The following ITGBL1 variants were observed in gnomAD, a reference collection of about 807,000 sequenced individuals.
The protein encoded by ITGBL1 is integrin subunit beta like 1.
A neutral mutation model predicts 68.5 loss-of-function variants in ITGBL1; 51 were observed. The ratio of observed to expected loss-of-function variants is 0.74; its 90% CI spans 0.59 to 0.94. The LOEUF (loss-of-function observed/expected upper bound fraction) is 0.94, where lower values mean the gene tolerates loss of function less well. Among genes scored for constraint, ITGBL1 ranks in the 40% least tolerant of loss-of-function variants. The pLI, the probability that ITGBL1 is intolerant of heterozygous loss-of-function variation, is 0.00. For synonymous variants in ITGBL1, 209 were observed against 227.3 expected, an observed-to-expected ratio of 0.92 and a Z score of 0.72; for missense variants, 649 against 647.4, an observed-to-expected ratio of 1.00 and a Z score of -0.03.
downstream of ITGBL1, chr13:101,720,079 A>G (rs977699171): frequency 6.6e-6 from 1 of 152,112 alleles, no homozygotes; most frequent in Non-Finnish European, 1.5e-5. Context: ...ATTTTATTCA[A>G]TATGTTGTAT....
At chr13:101,586,913 C>T (rs1049881824) in intron 6 of ITGBL1, among the ~76,000 whole-genome samples, 3 of 152,078 alleles carry the variant, frequency 2.0e-5, no homozygotes, top group Non-Finnish European at 4.4e-5. Flanking sequence ...AAGAAGAGTG[C>T]CATATAGTTG....
intron 7 of ITGBL1, among the ~76,000 whole-genome samples, chr13:101,648,341 T>C (rs1398980757): frequency 6.6e-6 from 1 of 152,184 alleles, no homozygotes; most frequent in East Asian, 1.9e-4. Flanking sequence ...TCAAAAGATA[T>C]TTAGAATCAG....
intron 6 of ITGBL1, among the ~76,000 whole-genome samples, chr13:101,597,742 C>G (rs117848309): frequency 6.6e-6 from 1 of 151,626 alleles, no homozygotes. Context: ...TAGTAGAGAC[C>G]GGGGTTTCAC....
chr13:101,528,268 T>C (rs1343512406), intron 2 of ITGBL1, among the ~76,000 whole-genome samples: 1 of 150,658 alleles, frequency 6.6e-6, no homozygotes, highest in African/African-American at 2.5e-5. Context: ...CATAGAGCTA[T>C]TTATAATATT....
At chr13:101,526,170 A>C in intron 2 of ITGBL1, among the ~76,000 whole-genome samples, 1 of 66,782 alleles carries the variant, frequency 1.5e-5, no homozygotes, top group East Asian at 4.0e-4. Context: ...TTTTTTTTTT[A>C]AATACTTTAA....
intron 2 of ITGBL1, among the ~76,000 whole-genome samples, chr13:101,552,891 T>C (rs1684989545): frequency 6.6e-6 from 1 of 152,202 alleles, no homozygotes; most frequent in African/African-American, 2.4e-5. Context: ...CACAAATTTA[T>C]TTGAAGGAGC....
At chr13:101,558,043 C>A (rs976074141) in intron 2 of ITGBL1, among the ~76,000 whole-genome samples, 3 of 130,686 alleles carry the variant, frequency 2.3e-5, no homozygotes, top group African/African-American at 9.0e-5. Flanking sequence ...GAGCCGAGAT[C>A]GCGCCACTCC....
intron 7 of ITGBL1, among the ~76,000 whole-genome samples, chr13:101,664,396 A>G (rs1333563772): frequency 1.3e-5 from 2 of 152,204 alleles, no homozygotes; most frequent in Middle Eastern, 3.2e-3. Flanking sequence ...AATTATTTAC[A>G]GGTATCCTGA....
At chr13:101,705,319 CAA>C (rs1329378993) in intron 8 of ITGBL1, among the ~76,000 whole-genome samples, 19 of 132,756 alleles carry the variant, frequency 1.4e-4, no homozygotes, top group African/African-American at 5.3e-4. Flanking sequence ...ACAACAACAA[CAA>C]AAAAAAATAG....
intron 7 of ITGBL1, among the ~76,000 whole-genome samples, chr13:101,653,420 T>G (rs935762971): frequency 6.6e-6 from 1 of 152,110 alleles, no homozygotes; most frequent in African/African-American, 2.4e-5. Flanking sequence ...TCTGGGATCA[T>G]GAAGAGTTCA....
intron 2 of ITGBL1, among the ~76,000 whole-genome samples, chr13:101,464,687 A>G (rs754920306): frequency 6.6e-6 from 1 of 152,176 alleles, no homozygotes; most frequent in Non-Finnish European, 1.5e-5. Context: ...ATATTTATAT[A>G]TGTATACATA....
intron 2 of ITGBL1, among the ~76,000 whole-genome samples, chr13:101,472,175 C>T (rs959079430): frequency 1.3e-5 from 2 of 152,082 alleles, no homozygotes; most frequent in Non-Finnish European, 2.9e-5. Context: ...TCCTTAATTT[C>T]CTAAATATAG....
At chr13:101,454,399 T>TTCCCC (rs2048210934) in intron 2 of ITGBL1, among the ~76,000 whole-genome samples, 9 of 135,806 alleles carry the variant, frequency 6.6e-5, no homozygotes, top group Non-Finnish European at 9.9e-5. Flanking sequence ...CCCTGGCTGG[T>TTCCCC]CCCCCCCCCC....
At chr13:101,491,154 CTCTG>C (rs2048770243) in intron 2 of ITGBL1, among the ~76,000 whole-genome samples, 1 of 152,150 alleles carries the variant, frequency 6.6e-6, no homozygotes, top group Admixed American at 6.6e-5. Flanking sequence ...CTTAATGAAA[CTCTG>C]TCTGCTTCTC....
At position 101,715,641 on chromosome 13, in the gene ITGBL1, C is replaced by T. The variant is rs1277205714; in HGVS notation, c.1472C>T (p.Ser491Leu). The T allele has an allele frequency of 3.7e-6, 6 of 1,609,234 alleles. No homozygotes were observed. In the East Asian group the frequency reaches 1.1e-4, roughly 30 times the overall value. The change falls in exon 11 of 11, where the codon TCA (serine) becomes TTA (leucine). Residue 491 changes from serine to leucine, a missense_variant. Transcript: ENST00000376180. ...AATGCATGTGAAATCTGGCTTGGCTCAGAATATCCTTAACAATTACATGAG... is the reference window on the plus strand; with the variant it reads ...AATGCATGTGAAATCTGGCTTGGCTTAGAATATCCTTAACAATTACATGAG... ...NGNACEIWLGSEYP is the reference protein window; with the variant it reads ...NGNACEIWLGLEYP
At chr13:101,602,084 A>G (rs556614531) in intron 7 of ITGBL1, among the ~76,000 whole-genome samples, 1 of 152,180 alleles carries the variant, frequency 6.6e-6, no homozygotes, top group South Asian at 2.1e-4. Flanking sequence ...GCCTTAAGGT[A>G]TGTTCAATTT....
chr13:101,562,411 A>G (rs1021511974), intron 2 of ITGBL1, among the ~76,000 whole-genome samples: 5 of 152,000 alleles, frequency 3.3e-5, no homozygotes, highest in Non-Finnish European at 7.4e-5. Context: ...CAGATTGTAT[A>G]AAAACTGAGA....
chr13:101,636,446 G>A (rs985808664), intron 7 of ITGBL1, among the ~76,000 whole-genome samples: 12 of 152,050 alleles, frequency 7.9e-5, no homozygotes, highest in Admixed American at 2.0e-4. Context: ...GGAGGAATTG[G>A]CACTCTGGAT....
chr13:101,707,049 A>T, intron 9 of ITGBL1, 147 bp downstream of exon 9: 2 of 750,992 alleles, frequency 2.7e-6, no homozygotes, highest in African/African-American at 1.7e-5. Context: ...AAGCTTGAAG[A>T]TTAACCAAAT....
Sources: allele counts gnomAD v4.1 joint callset (sites outside exome capture counted in the v4.1 genomes callset), GRCh38; gene constraint gnomAD v4.1.1; transcripts MANE v1.5; gene names NCBI Gene and HGNC (gene_info 2026-07-23, HGNC 2026-07-21).